Variants in CSMD1 observed in about 807,000 individuals in gnomAD.
CSMD1 encodes the protein CUB and Sushi multiple domains 1.
In CSMD1, 213 loss-of-function variants were observed where a neutral mutation model predicts 417.5. The ratio of observed to expected loss-of-function variants is 0.51; its 90% CI spans 0.46 to 0.57. The LOEUF (loss-of-function observed/expected upper bound fraction) is 0.57. CSMD1 is among the 20% of genes least tolerant of loss of function. The pLI is 0.00. For synonymous variants in CSMD1, 2,862 were observed against 1,736.8 expected (o/e 1.65, Z -16.11); for missense variants, 6,923 against 4,529.7 (o/e 1.53, Z -15.17).
intron 3 of CSMD1, among the ~76,000 whole-genome samples, chr8:4,203,766 A>G (rs1338047743): frequency 6.6e-6 from 1 of 152,132 alleles, no homozygotes; most frequent in East Asian, 1.9e-4. Flanking sequence ...ACATTTGCAT[A>G]TATATGTACA....
intron 1 of CSMD1, among the ~76,000 whole-genome samples, chr8:4,943,952 T>G (rs887149362): frequency 6.6e-6 from 1 of 151,954 alleles, no homozygotes; most frequent in Non-Finnish European, 1.5e-5. Flanking sequence ...AGACAGAAAA[T>G]GTATTAAGGG....
chr8:4,025,659 C>T (rs570065061), intron 4 of CSMD1, among the ~76,000 whole-genome samples: 18 of 152,178 alleles, frequency 1.2e-4, no homozygotes, highest in Admixed American at 9.8e-4. Flanking sequence ...AAGAAAGACA[C>T]AGATCTTAAG....
chr8:3,490,708 T>C (rs1585242974), intron 11 of CSMD1, among the ~76,000 whole-genome samples: 1 of 152,172 alleles, frequency 6.6e-6, no homozygotes, highest in Non-Finnish European at 1.5e-5. Flanking sequence ...CCAGAAACTC[T>C]ATCTTTGACT....
At chr8:4,597,296 A>C (rs1207832216) in intron 2 of CSMD1, among the ~76,000 whole-genome samples, 1 of 152,176 alleles carries the variant, frequency 6.6e-6, no homozygotes, top group Non-Finnish European at 1.5e-5. Flanking sequence ...TCAATGTATT[A>C]ACTTATAAGA....
chr8:4,028,451 A>G (rs1797176823), intron 4 of CSMD1, among the ~76,000 whole-genome samples: 1 of 152,174 alleles, frequency 6.6e-6, no homozygotes, highest in South Asian at 2.1e-4. Context: ...ATATGCCATT[A>G]TGAATACAAT....
At chr8:4,102,802 C>T (rs1303188419) in intron 3 of CSMD1, among the ~76,000 whole-genome samples, 3 of 152,126 alleles carry the variant, frequency 2.0e-5, no homozygotes, top group South Asian at 2.1e-4. Flanking sequence ...TCTCCTTCAG[C>T]AGTTGTGTGC....
intron 12 of CSMD1, among the ~76,000 whole-genome samples, chr8:3,451,972 T>G (rs1815753920): frequency 6.7e-6 from 1 of 150,198 alleles, no homozygotes; most frequent in African/African-American, 2.5e-5. Flanking sequence ...TCCATTTGTT[T>G]GTCTCCTCTT....
chr8:4,105,746 A>G (rs181285817), intron 3 of CSMD1, among the ~76,000 whole-genome samples: 1 of 152,286 alleles, frequency 6.6e-6, no homozygotes, highest in African/African-American at 2.4e-5. Context: ...GGATCGTAGT[A>G]AACATAAGCT....
rs1304990461 is a variant in CSMD1 at position 3,031,873 on chromosome 8, T to A, written c.7661-2360A>T. On this transcript the variant is annotated intron_variant, in intron 50 of 69. Transcript: ENST00000635120. ...TATTTGCTCACATCTCTCTTTTTTT[T>A]TTTTGGCTATGCTATACCCTCATTT... 5.3e-5 allele frequency among the ~76,000 whole-genome samples: 8 copies of A among 152,068 alleles called. No homozygotes were observed. In the East Asian group the frequency reaches 1.5e-3, roughly 29 times the overall value.
chr8:4,084,187 G>A (rs113950449), intron 3 of CSMD1, among the ~76,000 whole-genome samples: 3 of 152,128 alleles, frequency 2.0e-5, no homozygotes, highest in East Asian at 3.9e-4. Flanking sequence ...ATTTTAAAAT[G>A]TATTTTTTCC....
At chr8:4,640,705 A>G (rs779600636) in intron 1 of CSMD1, among the ~76,000 whole-genome samples, 11 of 152,084 alleles carry the variant, frequency 7.2e-5, no homozygotes, top group Non-Finnish European at 1.3e-4. Context: ...AAACATAACC[A>G]TATTTCAACA....
At chr8:4,818,302 T>C (rs969112536) in intron 1 of CSMD1, among the ~76,000 whole-genome samples, 3 of 152,158 alleles carry the variant, frequency 2.0e-5, no homozygotes, top group Non-Finnish European at 4.4e-5. Flanking sequence ...CTCGATGAAA[T>C]TGACCAAAGC....
intron 3 of CSMD1, among the ~76,000 whole-genome samples, chr8:4,098,404 C>G (rs978298866): frequency 2.8e-5 from 4 of 140,916 alleles, no homozygotes; most frequent in Non-Finnish European, 6.1e-5. Flanking sequence ...ATGGATTTGT[C>G]ATTTTTTTCA....
rs115036078 is a variant in CSMD1 at position 3,548,616 on chromosome 8, G to A, written c.1344+26329C>T. On this transcript the variant is annotated intron_variant, in intron 10 of 69. Coordinates refer to ENST00000635120, the MANE Select transcript of CSMD1 (RefSeq NM_033225.6). ...CAATCTCATCCAGGTTGCTATGAAT[G>A]CCATTAATTCAACCCTTTTCACGGC... Among the ~76,000 whole-genome samples the A allele has an allele frequency of 8.6e-3, 1,282 of 149,650 alleles. 19 individuals are homozygous for A. Among genetic ancestry groups the A allele is most frequent in the African/African-American group, 0.029 (1,186 of 40,462 alleles).
intron 1 of CSMD1, among the ~76,000 whole-genome samples, chr8:4,641,079 T>C (rs1803161206): frequency 6.6e-6 from 1 of 151,512 alleles, no homozygotes. Context: ...CACTCTGTGA[T>C]GTGTATTTTG....
chr8:3,288,695 T>A (rs1047445901), intron 25 of CSMD1, among the ~76,000 whole-genome samples: 1 of 147,260 alleles, frequency 6.8e-6, no homozygotes, highest in Non-Finnish European at 1.5e-5. Flanking sequence ...TCTCTTTTCT[T>A]CTTTATTTTT....
chr8:3,982,961 A>T (rs1429339266), intron 5 of CSMD1, among the ~76,000 whole-genome samples: 3 of 152,110 alleles, frequency 2.0e-5, no homozygotes, highest in African/African-American at 7.2e-5. Flanking sequence ...CAAAACAAAC[A>T]AACAAACAAA....
intron 23 of CSMD1, among the ~76,000 whole-genome samples, chr8:3,339,287 A>T (rs1442395): frequency 0.44 from 66,870 of 151,706 alleles, 15,825 homozygotes; most frequent in African/African-American, 0.59. Flanking sequence ...ATCCATTTTC[A>T]CAGGCCCTTC....
intron 1 of CSMD1, among the ~76,000 whole-genome samples, chr8:4,739,278 T>G (rs1810447463): frequency 1.3e-5 from 2 of 152,210 alleles, no homozygotes; most frequent in Non-Finnish European, 2.9e-5. Flanking sequence ...CAATTTCACT[T>G]GGAACTCCTA....
Sources: gnomAD v4.1 joint callset for allele counts (sites outside exome capture counted in the v4.1 genomes callset) on GRCh38, gnomAD v4.1.1 for gene constraint, MANE v1.5 for transcripts, NCBI Gene and HGNC (gene_info 2026-07-23, HGNC 2026-07-21) for gene names.